Variants in PCDHGA2 observed in about 807,000 individuals in gnomAD.
PCDHGA2 encodes protocadherin gamma-A2.
In PCDHGA2, 40 loss-of-function variants were observed where a neutral mutation model predicts 59.2. The observed-to-expected ratio is 0.68, with a 90% CI of 0.52 to 0.88. PCDHGA2 has a LOEUF of 0.88. Among genes scored for constraint, PCDHGA2 ranks in the 40% least tolerant of loss-of-function variants. The pLI, the probability that PCDHGA2 is intolerant of heterozygous loss-of-function variation, is 0.00. For synonymous variants in PCDHGA2, 560 were observed against 526.0 expected (o/e 1.06, Z -0.89); for missense variants, 1,226 against 1,204.0 (o/e 1.02, Z -0.27).
chr5:141,490,775 A>G lies in PCDHGA2; in HGVS notation c.2425-4032A>G. 6 of 1,614,110 alleles carry G rather than the reference A, an allele frequency of 3.7e-6. No homozygotes were observed. Among genetic ancestry groups the G allele is most frequent in the Non-Finnish European group, 5.1e-6 (6 of 1,179,964 alleles). On this transcript the variant is annotated intron_variant, in intron 1 of 3. Transcript: ENST00000394576. The surrounding 1 kb of genome is among the most constrained non-coding windows in gnomAD (Gnocchi z 5.4). ...TCCTCCTTTGTGTATGTCAACCCAG[A>G]GGATGGACGGATCTTTGCCCAGCGT...
intron 1 of PCDHGA2, among the ~76,000 whole-genome samples, chr5:141,359,096 T>C (rs1761115618): frequency 1.3e-5 from 2 of 152,222 alleles, no homozygotes; most frequent in Non-Finnish European, 2.9e-5. Context: ...TTCTACATGG[T>C]TTTGTATTCA....
intron 1 of PCDHGA2, chr5:141,394,841 C>A: frequency 6.2e-7 from 1 of 1,613,852 alleles, no homozygotes; most frequent in Non-Finnish European, 8.5e-7. Flanking sequence ...CCGAGTTGGG[C>A]AGTCTGAAGC....
chr5:141,403,580 C>G, intron 1 of PCDHGA2: 1 of 1,613,942 alleles, frequency 6.2e-7, no homozygotes, highest in Non-Finnish European at 8.5e-7. Flanking sequence ...TGCCCACCAC[C>G]TGGTCCTCAC....
At chr5:141,367,902 T>C (rs1249968582) in intron 1 of PCDHGA2, 1 of 152,146 alleles carries the variant, frequency 6.6e-6, no homozygotes, top group Non-Finnish European at 1.5e-5. Context: ...TTTAAGGTTG[T>C]ATTTGAAAAA....
chr5:141,345,659 C>T (rs752231427), intron 1 of PCDHGA2: 2 of 1,614,240 alleles, frequency 1.2e-6, no homozygotes, highest in Admixed American at 1.7e-5. Flanking sequence ...ACCCTCCACT[C>T]AGCAGCAACG....
At chr5:141,408,969 C>G (rs1005367761) in intron 1 of PCDHGA2, 1 of 1,613,594 alleles carries the variant, frequency 6.2e-7, no homozygotes, top group African/African-American at 1.3e-5. Flanking sequence ...GAAAATCTGC[C>G]CCCTGGGTCC....
intron 1 of PCDHGA2, chr5:141,478,419 G>A (rs2530208): frequency 3.7e-6 from 6 of 1,613,632 alleles, no homozygotes; most frequent in South Asian, 2.2e-5. Context: ...GACTCCCGCC[G>A]CAGCGACCCG....
chr5:141,476,661 T>G lies in PCDHGA2; in HGVS notation c.2425-18146T>G. 1.2e-6 allele frequency: 2 copies of G among 1,614,076 alleles called. No individual in the cohort carries two copies. The highest frequency in any genetic ancestry group is 1.7e-6 in the Non-Finnish European group (2 of 1,179,938). On this transcript the variant is annotated intron_variant, in intron 1 of 3. Coordinates refer to ENST00000394576, the MANE Select transcript of PCDHGA2 (RefSeq NM_018915.4). The surrounding 1 kb of genome is among the most constrained non-coding windows in gnomAD (Gnocchi z 7.6). Reference sequence around the variant, plus strand: ...CTGAGCCGAAATGAATACTTTGCGCTTCGCGTGCAGACGCGGGAGGACAGC... The same window carrying G: ...CTGAGCCGAAATGAATACTTTGCGCGTCGCGTGCAGACGCGGGAGGACAGC...
At chr5:141,430,786 C>G (rs992448490) in intron 1 of PCDHGA2, 1 of 1,513,352 alleles carries the variant, frequency 6.6e-7, no homozygotes, top group Non-Finnish European at 8.8e-7. Context: ...TGCACCGGGA[C>G]TACAAAGGGC....
intron 1 of PCDHGA2, among the ~76,000 whole-genome samples, chr5:141,343,674 A>C (rs1007749494): frequency 6.6e-6 from 1 of 152,240 alleles, no homozygotes; most frequent in African/African-American, 2.4e-5. Flanking sequence ...AATTATGTTC[A>C]ATCAACACTA....
chr5:141,418,589 C>T (rs184213052), intron 1 of PCDHGA2: 13 of 1,613,896 alleles, frequency 8.1e-6, no homozygotes, highest in African/African-American at 6.7e-5. Flanking sequence ...AGTGTTCAGC[C>T]AGGACGTGTA....
intron 1 of PCDHGA2, chr5:141,393,025 G>A (rs1307917992): frequency 6.2e-7 from 1 of 1,613,864 alleles, no homozygotes; most frequent in Non-Finnish European, 8.5e-7. Flanking sequence ...TCCAGAGGTA[G>A]GACGCAGCTC....
At position 141,384,635 on chromosome 5, in the gene PCDHGA2, C is replaced by G. The variant is rs752480661; in HGVS notation, c.2424+43240C>G. On this transcript the variant is annotated intron_variant, in intron 1 of 3. Coordinates refer to ENST00000394576, the MANE Select transcript of PCDHGA2 (RefSeq NM_018915.4). The stretch of plus-strand genomic sequence containing the variant: ...GGTTCTACTGGCATGGAGCTGGCAC[C>G]CCGCTCCGCAGAGCCCGGCTACCTG... The G allele has an allele frequency of 1.9e-6, 3 of 1,614,214 alleles. No individual in the cohort carries two copies. The East Asian group carries it at 6.7e-5, about 36-fold the overall frequency.
chr5:141,474,417 C>A (rs1321402346), intron 1 of PCDHGA2, among the ~76,000 whole-genome samples: 1 of 152,222 alleles, frequency 6.6e-6, no homozygotes, highest in African/African-American at 2.4e-5. Context: ...GATGCCTAGA[C>A]CATTGGTCCT....
intron 1 of PCDHGA2, among the ~76,000 whole-genome samples, chr5:141,353,476 A>G (rs1295489300): frequency 6.6e-6 from 1 of 152,048 alleles, no homozygotes; most frequent in Non-Finnish European, 1.5e-5. Flanking sequence ...AATTATTAAG[A>G]CTCTTAACAC....
At chr5:141,392,280 GCA>G (rs1460323134) in intron 1 of PCDHGA2, 2 of 152,190 alleles carry the variant, frequency 1.3e-5, no homozygotes, top group East Asian at 3.8e-4. Flanking sequence ...AAAGCTTAGA[GCA>G]CAATGGGAAA....
intron 1 of PCDHGA2, chr5:141,362,418 C>T (rs187134440): frequency 2.5e-6 from 4 of 1,614,026 alleles, no homozygotes; most frequent in African/African-American, 2.7e-5. Context: ...CACAATCAGC[C>T]AAGACAGAGT....
chr5:141,432,615 T>G lies in PCDHGA2; in HGVS notation c.2425-62192T>G. ...GCCAGCGAGCCGGGACTCTTCTCGG[T>G]GGGTCTGCACACGGGCGAGGTGCGC... On this transcript the variant is annotated intron_variant, in intron 1 of 3. Coordinates refer to ENST00000394576, the MANE Select transcript of PCDHGA2 (RefSeq NM_018915.4). The surrounding 1 kb of genome is among the most constrained non-coding windows in gnomAD (Gnocchi z 6.0). The G allele has an allele frequency of 2.5e-6, 4 of 1,613,820 alleles. No homozygotes were observed. The highest frequency in any genetic ancestry group is 1.1e-5 in the South Asian group (1 of 91,054).
intron 1 of PCDHGA2, chr5:141,403,638 A>T (rs373036061): frequency 1.9e-6 from 3 of 1,613,906 alleles, no homozygotes; most frequent in Non-Finnish European, 2.5e-6. Flanking sequence ...GTGCGCATCC[A>T]TGTGACAGTG....
Sources: allele counts gnomAD v4.1 joint callset (sites outside exome capture counted in the v4.1 genomes callset), GRCh38; gene constraint gnomAD v4.1.1; non-coding constraint Gnocchi (gnomAD v3.1); transcripts MANE v1.5; gene names NCBI Gene and HGNC (gene_info 2026-07-23, HGNC 2026-07-21).